KCNJ6: variants seen among roughly 807,000 people sequenced by gnomAD.
KCNJ6 encodes potassium inwardly rectifying channel subfamily J member 6, also known as G protein-activated inward rectifier potassium channel 2.
KCNJ6 carries 9 observed loss-of-function variants against 34.2 expected under a neutral mutation model. The observed-to-expected ratio is 0.26, with a 90% CI of 0.16 to 0.46. The LOEUF is 0.46. KCNJ6 is among the 20% of genes least tolerant of loss of function. The pLI is 1.00. For synonymous variants in KCNJ6, 196 were observed against 207.1 expected, an observed-to-expected ratio of 0.95 and a Z score of 0.46; for missense variants, 236 against 531.3, an observed-to-expected ratio of 0.44 and a Z score of 5.46.
At chr21:37,859,530 TA>T (rs774425514) in intron 1 of KCNJ6, among the ~76,000 whole-genome samples, 37 of 94,692 alleles carry the variant, frequency 3.9e-4, no homozygotes, top group African/African-American at 7.2e-4. Context: ...TATATATATA[TA>T]AAATACTTAA....
intron 3 of KCNJ6, among the ~76,000 whole-genome samples, chr21:37,707,941 G>A (rs773679032): frequency 3.2e-4 from 49 of 152,132 alleles, no homozygotes; most frequent in Non-Finnish European, 6.0e-4. Context: ...CTGTTCCTTT[G>A]GAAGATGAGT....
chr21:37,844,134 C>T (rs568119962), intron 1 of KCNJ6, among the ~76,000 whole-genome samples: 1 of 151,580 alleles, frequency 6.6e-6, no homozygotes, highest in African/African-American at 2.4e-5. Flanking sequence ...TCTCCGCTCA[C>T]TACAACCTCC....
chr21:37,635,274 A>AGTG (rs2054352413), intron 3 of KCNJ6, among the ~76,000 whole-genome samples: 2 of 152,094 alleles, frequency 1.3e-5, no homozygotes, highest in African/African-American at 4.8e-5. Flanking sequence ...GCTGGAGTGC[A>AGTG]GTGGTGTGAT....
chr21:37,811,393 G>A (rs11701675), intron 2 of KCNJ6, among the ~76,000 whole-genome samples: 4,698 of 152,324 alleles, frequency 0.031, 100 homozygotes, highest in Non-Finnish European at 0.049. Flanking sequence ...CAGAGGTATG[G>A]GAGGATGTCC....
intron 3 of KCNJ6, among the ~76,000 whole-genome samples, chr21:37,699,069 G>C (rs2054677214): frequency 6.6e-6 from 1 of 152,282 alleles, no homozygotes; most frequent in Admixed American, 6.5e-5. Context: ...ATGTGAAAAT[G>C]ATATGTGTCC....
In KCNJ6 at chr21:37,617,057, C is replaced by CT. The variant is rs59407025; in HGVS notation, c.*8101dup. ...CTTTCTTTCTTTCTTTCTTTCTTTT[C>CT]TTTTCTTTTCTTTTCTTTTCTTTCT... On this transcript the variant is annotated 3_prime_UTR_variant, in exon 4 of 4. Coordinates refer to ENST00000609713, the MANE Select transcript of KCNJ6 (RefSeq NM_002240.5). The CT allele has an allele frequency of 3.7e-5, 2 of 53,454 alleles. No individual in the cohort carries two copies. Among genetic ancestry groups the CT allele is most frequent in the East Asian group, 8.4e-4 (2 of 2,372 alleles). 3.3% of individuals were successfully genotyped at this position (53,454 alleles called of 1,614,324 possible). A position where few individuals can be genotyped will look rare whatever the true frequency, so the allele number is the denominator to read the frequency against.
intron 2 of KCNJ6, among the ~76,000 whole-genome samples, chr21:37,818,626 C>T (rs1028170570): frequency 1.3e-5 from 2 of 152,154 alleles, no homozygotes; most frequent in Admixed American, 1.3e-4. Flanking sequence ...GACTCGTCTC[C>T]CCCAACCCAA....
intron 2 of KCNJ6, among the ~76,000 whole-genome samples, chr21:37,758,183 G>A (rs1030927431): frequency 1.3e-5 from 2 of 152,208 alleles, no homozygotes; most frequent in African/African-American, 2.4e-5. Context: ...TGGGAGTGAC[G>A]GGGCAGAGTC....
chr21:37,866,247 C>G (rs962143983), intron 1 of KCNJ6, among the ~76,000 whole-genome samples: 2 of 152,220 alleles, frequency 1.3e-5, no homozygotes, highest in African/African-American at 4.8e-5. Context: ...GGCTTTAAGA[C>G]TTGCTTAGTC....
intron 1 of KCNJ6, among the ~76,000 whole-genome samples, chr21:37,849,424 A>G (rs941455266): frequency 6.6e-6 from 1 of 152,112 alleles, no homozygotes; most frequent in Non-Finnish European, 1.5e-5. Flanking sequence ...TTGCCAAACC[A>G]TCTCTATTTC....
intron 3 of KCNJ6, among the ~76,000 whole-genome samples, chr21:37,704,530 G>A (rs1280319638): frequency 2.6e-5 from 4 of 152,004 alleles, no homozygotes; most frequent in South Asian, 2.1e-4. Flanking sequence ...TCCATTATCC[G>A]TCCGCTTTCA....
chr21:37,769,791 C>T (rs1227044514), intron 2 of KCNJ6, among the ~76,000 whole-genome samples: 2 of 152,134 alleles, frequency 1.3e-5, no homozygotes, highest in African/African-American at 4.8e-5. Context: ...CTGAGGGTTC[C>T]TCCCCTCATG....
At chr21:37,643,269 G>C (rs1300469751) in intron 3 of KCNJ6, among the ~76,000 whole-genome samples, 1 of 152,174 alleles carries the variant, frequency 6.6e-6, no homozygotes, top group African/African-American at 2.4e-5. Flanking sequence ...AAAAACAGTA[G>C]AGGCAAACCC....
intron 1 of KCNJ6, among the ~76,000 whole-genome samples, chr21:37,861,211 C>A (rs947381822): frequency 6.6e-6 from 1 of 152,222 alleles, no homozygotes; most frequent in African/African-American, 2.4e-5. Context: ...CAAAGTACCA[C>A]AAACTGGAGG....
chr21:37,634,036 TA>T (rs1159802687), intron 3 of KCNJ6, among the ~76,000 whole-genome samples: 1 of 152,202 alleles, frequency 6.6e-6, no homozygotes, highest in Non-Finnish European at 1.5e-5. Flanking sequence ...CTCACTCTAT[TA>T]GATCACAGGA....
chr21:37,637,970 C>A (rs1601398090), intron 3 of KCNJ6, among the ~76,000 whole-genome samples: 1 of 152,242 alleles, frequency 6.6e-6, no homozygotes, highest in East Asian at 1.9e-4. Flanking sequence ...ATACATTTCT[C>A]CTGTTAAAGC....
At chr21:37,724,833 GA>G (rs553517938) in intron 2 of KCNJ6, among the ~76,000 whole-genome samples, 8 of 151,492 alleles carry the variant, frequency 5.3e-5, no homozygotes, top group East Asian at 1.9e-4. Flanking sequence ...TGCCCTCCTG[GA>G]AAAAAAATGA....
intron 2 of KCNJ6, among the ~76,000 whole-genome samples, chr21:37,754,305 G>A (rs1340978860): frequency 6.6e-6 from 1 of 152,294 alleles, no homozygotes; most frequent in East Asian, 1.9e-4. Context: ...CCGCTTGCTT[G>A]AGCAAAATGC....
At chr21:37,711,002 C>G (rs1471411520) in intron 3 of KCNJ6, among the ~76,000 whole-genome samples, 3 of 152,230 alleles carry the variant, frequency 2.0e-5, no homozygotes. Flanking sequence ...CTCCTGACTT[C>G]AGGCGGGACC....
Sources: gnomAD v4.1 joint callset for allele counts (sites outside exome capture counted in the v4.1 genomes callset) on GRCh38, gnomAD v4.1.1 for gene constraint, MANE v1.5 for transcripts, NCBI Gene and HGNC (gene_info 2026-07-23, HGNC 2026-07-21) for gene names.